The following MACROD1 variants were observed in gnomAD, a reference collection of about 807,000 sequenced individuals.
MACROD1 encodes the protein ADP-ribose glycohydrolase MACROD1.
In MACROD1, 31 loss-of-function variants were observed where a neutral mutation model predicts 41.4. The ratio of observed to expected loss-of-function variants is 0.75; its 90% confidence interval spans 0.56 to 1.01. The LOEUF (loss-of-function observed/expected upper bound fraction) is 1.01. MACROD1 is among the 50% of genes least tolerant of loss of function. MACROD1 has a pLI of 0.00. For synonymous variants in MACROD1, 252 were observed against 203.4 expected, an observed-to-expected ratio of 1.24 and a Z score of -2.03; for missense variants, 473 against 460.0, an observed-to-expected ratio of 1.03 and a Z score of -0.26.
chr11:64,162,043 A>G (rs1945762745), intron 1 of MACROD1, among the ~76,000 whole-genome samples: 1 of 88,402 alleles, frequency 1.1e-5, no homozygotes, highest in Non-Finnish European at 2.2e-5. Flanking sequence ...CAGTCTCTAC[A>G]ATAAAGGTTT....
intron 3 of MACROD1, among the ~76,000 whole-genome samples, chr11:64,043,918 A>G (rs1943536607): frequency 6.6e-6 from 1 of 151,348 alleles, no homozygotes; most frequent in African/African-American, 2.4e-5. Flanking sequence ...GGTTCAAGCT[A>G]TTCTCCTGCC....
intron 3 of MACROD1, among the ~76,000 whole-genome samples, chr11:64,121,560 C>G (rs1945098144): frequency 6.6e-6 from 1 of 152,240 alleles, no homozygotes; most frequent in South Asian, 2.1e-4. Flanking sequence ...TAGGTCCGTT[C>G]TGAAACCCCA....
chr11:64,076,173 C>T (rs1304685196), intron 3 of MACROD1, among the ~76,000 whole-genome samples: 1 of 152,248 alleles, frequency 6.6e-6, no homozygotes, highest in Non-Finnish European at 1.5e-5. Context: ...GCTCCCAACA[C>T]ATCACCCTTC....
At chr11:64,050,026 GA>G (rs1194317838) in intron 3 of MACROD1, among the ~76,000 whole-genome samples, 8 of 152,190 alleles carry the variant, frequency 5.3e-5, no homozygotes, top group African/African-American at 1.9e-4. Flanking sequence ...ATATTAATAA[GA>G]AATGGCCTGG....
Position 64,118,469 on chromosome 11 carries a change from A to T in MACROD1, c.517+32770T>A, listed in dbSNP as rs544383070. 2.7e-4 allele frequency: 167 copies of T among 609,454 alleles called. No homozygotes were observed. In the African/African-American group the frequency reaches 2.8e-3, roughly 10 times the overall value. The allele number at this position is 609,454 out of a possible 1,614,324, so 37.8% of individuals were successfully genotyped here. ...GATTTTGTAGAACACAACAGTGACA[A>T]TTTTTTTTAAAAGAATAGAAGGCAG... is the stretch of plus-strand genomic sequence containing the variant. On this transcript the variant is annotated intron_variant, in intron 3 of 10. Transcript: ENST00000255681.
intron 3 of MACROD1, among the ~76,000 whole-genome samples, chr11:64,029,502 C>T (rs1041865092): frequency 4.6e-5 from 7 of 152,124 alleles, no homozygotes; most frequent in Admixed American, 4.6e-4. Context: ...GGATCAGGCC[C>T]TACCTCTCGC....
At chr11:64,129,565 G>A (rs1945236211) in intron 3 of MACROD1, among the ~76,000 whole-genome samples, 1 of 152,200 alleles carries the variant, frequency 6.6e-6, no homozygotes, top group Admixed American at 6.5e-5. Flanking sequence ...CAGGGATGGA[G>A]CCAGGTGCTG....
At chr11:64,032,850 C>T (rs1289096767) in intron 3 of MACROD1, among the ~76,000 whole-genome samples, 1 of 152,140 alleles carries the variant, frequency 6.6e-6, no homozygotes, top group Non-Finnish European at 1.5e-5. Flanking sequence ...CCTACTCCTT[C>T]CAAGATAAAG....
chr11:64,125,446 C>T (rs1945163249), intron 3 of MACROD1, among the ~76,000 whole-genome samples: 1 of 152,232 alleles, frequency 6.6e-6, no homozygotes, highest in South Asian at 2.1e-4. Context: ...TTCTCTGCCA[C>T]CAACGGAACG....
At chr11:64,025,515 T>C (rs968108245) in intron 3 of MACROD1, among the ~76,000 whole-genome samples, 6 of 152,172 alleles carry the variant, frequency 3.9e-5, no homozygotes, top group Admixed American at 3.3e-4. Context: ...AGAAGCCCCC[T>C]CCCTGCAGAG....
At chr11:64,162,458 C>T (rs2134735856) in intron 1 of MACROD1, among the ~76,000 whole-genome samples, 1 of 152,178 alleles carries the variant, frequency 6.6e-6, no homozygotes, top group South Asian at 2.1e-4. Flanking sequence ...GCTATGATTA[C>T]ACCACTGCAC....
chr11:64,121,240 G>A (rs1590940234), intron 3 of MACROD1, among the ~76,000 whole-genome samples: 2 of 152,304 alleles, frequency 1.3e-5, no homozygotes, highest in South Asian at 4.1e-4. Context: ...AGCTCCTTGG[G>A]CCCCAGGACC....
intron 3 of MACROD1, among the ~76,000 whole-genome samples, chr11:64,074,931 C>A (rs1234100167): frequency 5.3e-5 from 8 of 152,184 alleles, no homozygotes; most frequent in Admixed American, 4.6e-4. Flanking sequence ...CACCCTGGGG[C>A]AAAAGGGGTC....
Position 64,096,769 on chromosome 11 carries a change from C to A in MACROD1, c.517+54470G>T, listed in dbSNP as rs778086488. ...TCTGTGAAGGGGCAGGCTCTGGCCG[C>A]AGTGCCCCTCCCTGAGGGGAAGAGG... On this transcript the variant is annotated intron_variant, in intron 3 of 10. Coordinates refer to ENST00000255681, the MANE Select transcript of MACROD1 (RefSeq NM_014067.4). This position sits in a 1 kb window ranked among gnomAD's most constrained non-coding sequence, Gnocchi z 4.6. Among the ~76,000 whole-genome samples, 4 of 152,212 alleles carry A rather than the reference C, an allele frequency of 2.6e-5. No individual in the cohort carries two copies. The highest frequency in any genetic ancestry group is 6.5e-5 in the Admixed American group (1 of 15,288).
chr11:64,141,756 T>C (rs7102177), intron 3 of MACROD1, among the ~76,000 whole-genome samples: 45,120 of 152,138 alleles, frequency 0.3, 7,269 homozygotes, highest in Admixed American at 0.38. Context: ...CCACAGAGGA[T>C]GTGCTCGGGA....
At chr11:64,066,699 C>A (rs1283029327) in intron 3 of MACROD1, among the ~76,000 whole-genome samples, 1 of 151,996 alleles carries the variant, frequency 6.6e-6, no homozygotes, top group African/African-American at 2.4e-5. Context: ...TGTCTGCCTG[C>A]AAGGTGGGAA....
intron 3 of MACROD1, among the ~76,000 whole-genome samples, chr11:64,109,209 T>C (rs1392712348): frequency 1.3e-5 from 2 of 151,556 alleles, no homozygotes; most frequent in Admixed American, 6.6e-5. Flanking sequence ...GAATAGAAAA[T>C]AGCATCCCCA....
intron 3 of MACROD1, among the ~76,000 whole-genome samples, chr11:64,055,656 T>C (rs367910628): frequency 3.3e-5 from 5 of 152,310 alleles, no homozygotes; most frequent in African/African-American, 1.2e-4. Flanking sequence ...GCCTGCATGT[T>C]AGACCAGGAA....
intron 1 of MACROD1, among the ~76,000 whole-genome samples, chr11:64,155,220 C>T (rs1945649369): frequency 6.6e-6 from 1 of 152,046 alleles, no homozygotes; most frequent in East Asian, 1.9e-4. Context: ...ACAGTATGTG[C>T]AAAAGCCCAG....
Sources: allele counts gnomAD v4.1 joint callset (sites outside exome capture counted in the v4.1 genomes callset), GRCh38; gene constraint gnomAD v4.1.1; non-coding constraint Gnocchi (gnomAD v3.1); transcripts MANE v1.5; gene names NCBI Gene and HGNC (gene_info 2026-07-23, HGNC 2026-07-21).